Variants in GABRA5 observed in about 807,000 individuals in gnomAD.
GABRA5 encodes the protein gamma-aminobutyric acid receptor subunit alpha-5.
In GABRA5, 18 loss-of-function variants were observed where a neutral mutation model predicts 47.3. The ratio of observed to expected loss-of-function variants is 0.38; its 90% CI spans 0.26 to 0.56. The LOEUF is 0.56. Ranked by LOEUF, GABRA5 falls within the 20% of genes least tolerant of loss-of-function variation. The pLI, the probability that GABRA5 is intolerant of heterozygous loss-of-function variation, is 0.71. For missense variants in GABRA5, 365 were observed against 599.3 expected (o/e 0.61, Z 4.08); for synonymous variants, 237 against 229.3 (o/e 1.03, Z -0.30).
chr15:26,923,682 A>G (rs1595425498), intron 7 of GABRA5, among the ~76,000 whole-genome samples: 1 of 151,736 alleles, frequency 6.6e-6, no homozygotes, highest in Non-Finnish European at 1.5e-5. Context: ...TTCTTTGAAC[A>G]CTCTTTCTGG....
intron 3 of GABRA5, among the ~76,000 whole-genome samples, chr15:26,876,782 T>G (rs1892607025): frequency 6.6e-6 from 1 of 152,054 alleles, no homozygotes. Context: ...AGAGCGGTGG[T>G]ATTAGAGCGG....
chr15:26,934,432 G>A (rs1399309389), intron 7 of GABRA5, among the ~76,000 whole-genome samples: 3 of 152,128 alleles, frequency 2.0e-5, no homozygotes, highest in Non-Finnish European at 4.4e-5. Flanking sequence ...CACAGTCGCC[G>A]GAGCTTACCA....
In GABRA5 at chr15:26,883,459, G is replaced by A. The variant is rs778645917; in HGVS notation, c.399G>A (p.Thr133=). Reference sequence around the variant, plus strand: ...CCAGCAAGATCTGGACCCCAGACACGTTCTTCCACAACGGGAAGAAGTCCA... The same window carrying A: ...CCAGCAAGATCTGGACCCCAGACACATTCTTCCACAACGGGAAGAAGTCCA... ...LLASKIWTPD[T]FFHNGKKSIA... is the part of the protein sequence containing the mutation. Residue 133 remains threonine (T), a synonymous_variant, in exon 6 of 11, where the codon ACG becomes ACA. Coordinates refer to ENST00000335625, the MANE Select transcript of GABRA5 (RefSeq NM_000810.4). The surrounding 1 kb of genome is among the most constrained non-coding windows in gnomAD (Gnocchi z 4.8). The A allele has an allele frequency of 7.4e-6, 12 of 1,614,132 alleles. No homozygotes were observed. Among genetic ancestry groups the A allele is most frequent in the Non-Finnish European group, 1.0e-5 (12 of 1,180,002 alleles).
At chr15:26,880,409 C>G (rs1428669157) in intron 3 of GABRA5, 1 of 153,464 alleles carries the variant, frequency 6.5e-6, no homozygotes, top group African/African-American at 2.4e-5. Flanking sequence ...CGGAAAGTTT[C>G]TCAGCGTCCC....
intron 6 of GABRA5, among the ~76,000 whole-genome samples, chr15:26,909,206 G>A (rs112705533): frequency 1.3e-5 from 2 of 151,984 alleles, no homozygotes; most frequent in African/African-American, 2.4e-5. Flanking sequence ...ATGGTCCTGC[G>A]TCACTCTTGC....
Position 26,917,435 on chromosome 15 carries a change from C to T in GABRA5, c.580+2550C>T, listed in dbSNP as rs538536671. ...CCCAGAGATAAATTCTGCTTGGATA[C>T]GAATCTCTTAATGTGTTGCTGAATT... On this transcript the variant is annotated intron_variant, in intron 7 of 10. Coordinates refer to ENST00000335625, the MANE Select transcript of GABRA5 (RefSeq NM_000810.4). Among the ~76,000 whole-genome samples, 31 of 152,002 alleles carry T rather than the reference C, an allele frequency of 2.0e-4. No individual in the cohort carries two copies. The South Asian group carries it at 5.6e-3, about 27-fold the overall frequency.
chr15:26,896,930 AG>A, intron 6 of GABRA5, among the ~76,000 whole-genome samples: 1 of 40,228 alleles, frequency 2.5e-5, no homozygotes, highest in Non-Finnish European at 6.7e-5. Context: ...ATTAATATGT[AG>A]AGAAAAAAAT....
chr15:26,932,547 G>A (rs1477877623), intron 7 of GABRA5, among the ~76,000 whole-genome samples: 1 of 152,232 alleles, frequency 6.6e-6, no homozygotes, highest in East Asian at 1.9e-4. Context: ...CATTGTGAAA[G>A]ACAGCGTGGT....
At position 26,939,427 on chromosome 15, in the gene GABRA5, G is replaced by A. The variant is rs371886864; in HGVS notation, c.725-498G>A. 8 of 764,752 alleles carry A rather than the reference G, an allele frequency of 1.0e-5. No individual in the cohort carries two copies. The highest frequency in any genetic ancestry group is 1.9e-5 in the Non-Finnish European group (8 of 417,716). The allele number at this position is 764,752 out of a possible 1,614,324, so 47.4% of individuals were successfully genotyped here. A position where few individuals can be genotyped will look rare whatever the true frequency, so the allele number is the denominator to read the frequency against. On this transcript the variant is annotated intron_variant, in intron 8 of 10. Transcript: ENST00000335625. ...GCTGCCAGGACCCAGAGCCTCCTGA[G>A]CTGCTGCATCTCACTCTGCACCTGC...
intron 6 of GABRA5, among the ~76,000 whole-genome samples, chr15:26,895,492 A>G (rs1893161242): frequency 6.6e-6 from 1 of 152,010 alleles, no homozygotes; most frequent in African/African-American, 2.4e-5. Flanking sequence ...TGGAATAGAA[A>G]TAGTACCTGT....
intron 7 of GABRA5, among the ~76,000 whole-genome samples, chr15:26,923,778 T>C (rs915363812): frequency 4.6e-5 from 7 of 152,212 alleles, no homozygotes. Flanking sequence ...ACTTTCTTTC[T>C]GTTTTACAGA....
intron 8 of GABRA5, among the ~76,000 whole-genome samples, chr15:26,937,964 T>C (rs897633234): frequency 6.6e-6 from 1 of 152,342 alleles, no homozygotes; most frequent in Admixed American, 6.5e-5. Flanking sequence ...CCAGGGGTGC[T>C]GTGAGCAAGG....
rs1217995923 is a variant in GABRA5, at chr15:26,883,380, A to C, written c.320A>C (p.Glu107Ala). The C allele has an allele frequency of 1.9e-6, 3 of 1,613,910 alleles. No individual in the cohort carries two copies. Among genetic ancestry groups the C allele is most frequent in the Non-Finnish European group, 2.5e-6 (3 of 1,179,912 alleles). The change falls in exon 6 of 11, where the codon GAA (glutamate) becomes GCA (alanine). Residue 107 changes from glutamate to alanine, a missense_variant. Glu to Ala is a moderately radical substitution (Grantham distance 107). This residue lies in a region of GABRA5 where 216 missense variants were observed against 335.3 expected (regional missense o/e 0.64). Transcript: ENST00000335625. The surrounding 1 kb of genome is among the most constrained non-coding windows in gnomAD (Gnocchi z 4.8). ...TTTTTCCGACAAAGCTGGAAAGATGAAAGGCTTCGGTTTAAGGGGCCCATG... is the reference window on the plus strand; with the variant it reads ...TTTTTCCGACAAAGCTGGAAAGATGCAAGGCTTCGGTTTAAGGGGCCCATG... Reference protein sequence around the residue: ...DVFFRQSWKDERLRFKGPMQR... With the variant: ...DVFFRQSWKDARLRFKGPMQR...
intron 9 of GABRA5, 138 bp downstream of exon 9, chr15:26,940,215 A>C: frequency 1.4e-6 from 1 of 700,128 alleles, no homozygotes; most frequent in Non-Finnish European, 2.4e-6. Flanking sequence ...TTGACCCACT[A>C]ATTAAGAATT....
At chr15:26,910,344 G>A (rs1300941888) in intron 6 of GABRA5, among the ~76,000 whole-genome samples, 3 of 152,144 alleles carry the variant, frequency 2.0e-5, no homozygotes, top group African/African-American at 7.2e-5. Flanking sequence ...GCTCACACCT[G>A]TAATCCCAGC....
chr15:26,884,308 A>C (rs1461015080), intron 6 of GABRA5, among the ~76,000 whole-genome samples: 1 of 152,208 alleles, frequency 6.6e-6, no homozygotes, highest in Non-Finnish European at 1.5e-5. Flanking sequence ...GTTGAGGTTA[A>C]GTTTTAGTAT....
chr15:26,872,044 GC>G (rs1336502236), intron 3 of GABRA5, among the ~76,000 whole-genome samples: 2 of 152,082 alleles, frequency 1.3e-5, no homozygotes, highest in Admixed American at 1.3e-4. Context: ...ACACATTCTG[GC>G]CAGCAGGGCA....
chr15:26,917,189 A>T (rs1172517535), intron 7 of GABRA5, among the ~76,000 whole-genome samples: 1 of 152,064 alleles, frequency 6.6e-6, no homozygotes, highest in Non-Finnish European at 1.5e-5. Flanking sequence ...TTCACCATTG[A>T]CTATGCAATT....
intron 6 of GABRA5, among the ~76,000 whole-genome samples, chr15:26,902,254 T>G (rs935066126): frequency 1.3e-5 from 2 of 152,140 alleles, no homozygotes; most frequent in Admixed American, 1.3e-4. Context: ...ATCTTGACAA[T>G]ATTGAGTATT....
Sources: allele counts gnomAD v4.1 joint callset (sites outside exome capture counted in the v4.1 genomes callset), GRCh38; gene constraint gnomAD v4.1.1; regional missense constraint gnomAD v4.1.1; non-coding constraint Gnocchi (gnomAD v3.1); transcripts MANE v1.5; gene names NCBI Gene and HGNC (gene_info 2026-07-23, HGNC 2026-07-21).